Variants in IFT74 observed in about 807,000 individuals in gnomAD.
The protein encoded by IFT74 is intraflagellar transport protein 74 homolog.
Under a neutral mutation model 96.7 loss-of-function variants are expected in IFT74, and 92 were observed. The observed-to-expected ratio is 0.95, with a 90% confidence interval of 0.80 to 1.13. IFT74 has a LOEUF of 1.13. Among genes scored for constraint, IFT74 ranks in the 50% most tolerant of loss-of-function variants. The pLI is 0.00. For missense variants in IFT74, 811 were observed against 698.2 expected (o/e 1.16, Z -1.82); for synonymous variants, 223 against 213.2 (o/e 1.05, Z -0.40).
intron 2 of IFT74, among the ~76,000 whole-genome samples, chr9:26,970,581 G>C (rs756331018): frequency 9.2e-5 from 14 of 152,188 alleles, no homozygotes; most frequent in Non-Finnish European, 1.8e-4. Flanking sequence ...AGCATAATTA[G>C]TTGAGTAGGT....
chr9:26,986,166 A>G (rs982927118), intron 6 of IFT74, among the ~76,000 whole-genome samples: 3 of 152,214 alleles, frequency 2.0e-5, no homozygotes, highest in East Asian at 1.9e-4. Context: ...TAAACATTCT[A>G]TCATAATGGT....
At chr9:27,002,005 G>T (rs1828522004) in intron 8 of IFT74, among the ~76,000 whole-genome samples, 2 of 151,726 alleles carry the variant, frequency 1.3e-5, no homozygotes, top group Non-Finnish European at 2.9e-5. Context: ...TGTACAGGAT[G>T]CACGTCTGGG....
chr9:26,950,569 A>G (rs1258496658), intron 1 of IFT74, among the ~76,000 whole-genome samples: 1 of 152,148 alleles, frequency 6.6e-6, no homozygotes, highest in Non-Finnish European at 1.5e-5. Flanking sequence ...CTAACAATAA[A>G]ACGACAACAA....
intron 12 of IFT74, among the ~76,000 whole-genome samples, chr9:27,019,032 G>T (rs1271531569): frequency 6.6e-6 from 1 of 151,974 alleles, no homozygotes; most frequent in Admixed American, 6.6e-5. Flanking sequence ...AGTGCAAGTG[G>T]CATGATATAG....
chr9:26,956,043 T>C (rs1408439216), upstream of IFT74: 1 of 152,078 alleles, frequency 6.6e-6, no homozygotes, highest in Admixed American at 6.5e-5. Flanking sequence ...TACCACAAAT[T>C]AGGAGTTTAG....
intron 8 of IFT74, chr9:26,998,125 T>C (rs1312991498): frequency 6.2e-7 from 1 of 1,612,756 alleles, no homozygotes; most frequent in Non-Finnish European, 8.5e-7. Flanking sequence ...GTAGAACTCT[T>C]GTGTCTGTAC....
chr9:27,054,128 C>G (rs1215924712), intron 16 of IFT74, among the ~76,000 whole-genome samples: 5 of 152,180 alleles, frequency 3.3e-5, no homozygotes, highest in African/African-American at 1.2e-4. Flanking sequence ...TGGATAACAG[C>G]CTGTTTTCTC....
intron 15 of IFT74, 131 bp from the exon 16 acceptor site, chr9:27,048,017 C>T: frequency 2.0e-6 from 1 of 504,372 alleles, no homozygotes; most frequent in Non-Finnish European, 3.3e-6. Context: ...CAATATATAA[C>T]TTGAATGGTG....
At chr9:27,045,669 G>T (rs908792949) in intron 14 of IFT74, among the ~76,000 whole-genome samples, 3 of 151,868 alleles carry the variant, frequency 2.0e-5, no homozygotes, top group East Asian at 1.9e-4. Context: ...TCAATTACTG[G>T]TTTCCTTTTA....
intron 16 of IFT74, among the ~76,000 whole-genome samples, chr9:27,048,490 A>G (rs1271422606): frequency 6.6e-6 from 1 of 152,188 alleles, no homozygotes; most frequent in South Asian, 2.1e-4. Context: ...AGCCTGTGCT[A>G]TATAATTCTG....
chr9:27,026,352 C>T (rs1829858284), intron 12 of IFT74, among the ~76,000 whole-genome samples: 1 of 152,160 alleles, frequency 6.6e-6, no homozygotes, highest in Non-Finnish European at 1.5e-5. Flanking sequence ...CTAGACCTAA[C>T]AAATGAGATA....
chr9:27,032,834 CCAGCCTTGG>C (rs1354801846), intron 13 of IFT74, among the ~76,000 whole-genome samples: 1 of 151,460 alleles, frequency 6.6e-6, no homozygotes, highest in Non-Finnish European at 1.5e-5. Context: ...CCACTGCACT[CCAGCCTTGG>C]GCGACAGAGC....
Position 26,984,326 on chromosome 9 carries a change from G to C in IFT74, c.375G>C (p.Glu125Asp). The change falls in exon 5 of 20, where the codon GAG (glutamate) becomes GAC (aspartate). Residue 125 changes from glutamate to aspartate, a missense_variant. Transcript: ENST00000380062. ...LQKGIEMYNQ[E>D]NSVYLSYEKR... Reference sequence around the variant, plus strand: ...AGGGAATAGAAATGTACAATCAAGAGAATTCAGTATATTTGTCATATGAAA... The same window carrying C: ...AGGGAATAGAAATGTACAATCAAGACAATTCAGTATATTTGTCATATGAAA... The C allele has an allele frequency of 1.3e-6, 2 of 1,584,008 alleles. No homozygotes were observed. The highest frequency in any genetic ancestry group is 2.3e-5 in the South Asian group (2 of 85,900).
intron 16 of IFT74, among the ~76,000 whole-genome samples, chr9:27,052,062 A>G (rs1206809739): frequency 1.3e-5 from 2 of 152,220 alleles, no homozygotes; most frequent in East Asian, 3.8e-4. Flanking sequence ...AAATTCAACA[A>G]GTTTTTCCCC....
chr9:26,979,714 T>A (rs796562597), intron 3 of IFT74, among the ~76,000 whole-genome samples: 1 of 136,254 alleles, frequency 7.3e-6, no homozygotes, highest in Admixed American at 7.2e-5. Context: ...TTTTTTTTTT[T>A]TTTTTTTTTT....
At chr9:27,061,161 G>A (rs1396469291) in intron 19 of IFT74, among the ~76,000 whole-genome samples, 1 of 152,058 alleles carries the variant, frequency 6.6e-6, no homozygotes, top group Non-Finnish European at 1.5e-5. Flanking sequence ...GTGTGTGTGT[G>A]TGTGTGTGCG....
chr9:27,036,698 C>A (rs918219163), intron 13 of IFT74: 22 of 1,308,476 alleles, frequency 1.7e-5, no homozygotes, highest in Non-Finnish European at 1.8e-5. Flanking sequence ...AAAAAAGACT[C>A]CTAAAAATCA....
At chr9:26,974,346 A>T (rs1054707240) in intron 2 of IFT74, among the ~76,000 whole-genome samples, 3 of 152,170 alleles carry the variant, frequency 2.0e-5, no homozygotes, top group Non-Finnish European at 4.4e-5. Context: ...TGAAATATCT[A>T]GTCAATTCTT....
chr9:27,058,277 C>T (rs1046197944), intron 18 of IFT74, among the ~76,000 whole-genome samples: 1 of 152,002 alleles, frequency 6.6e-6, no homozygotes, highest in African/African-American at 2.4e-5. Flanking sequence ...TTTATAGAGA[C>T]AGGGTCTTGC....
Sources: allele counts gnomAD v4.1 joint callset (sites outside exome capture counted in the v4.1 genomes callset), GRCh38; gene constraint gnomAD v4.1.1; transcripts MANE v1.5; gene names NCBI Gene and HGNC (gene_info 2026-07-23, HGNC 2026-07-21).